Variants in FAM135B observed in about 807,000 individuals in gnomAD.
FAM135B encodes protein FAM135B.
A neutral mutation model predicts 127.7 loss-of-function variants in FAM135B; 43 were observed. The ratio of observed to expected loss-of-function variants is 0.34; its 90% confidence interval spans 0.26 to 0.43. The LOEUF is 0.43. FAM135B is among the 20% of genes least tolerant of loss of function. The pLI is 1.00. For synonymous variants in FAM135B, 670 were observed against 665.1 expected (o/e 1.01, Z -0.11); for missense variants, 1,558 against 1,725.6 (o/e 0.90, Z 1.72).
At chr8:138,247,334 G>A (rs1472021367) in intron 6 of FAM135B, among the ~76,000 whole-genome samples, 6 of 152,224 alleles carry the variant, frequency 3.9e-5, no homozygotes, top group African/African-American at 1.4e-4. Flanking sequence ...CTCACATGTG[G>A]TGGGAGGGAT....
In FAM135B at chr8:138,139,186, T is replaced by G. The variant is rs554180607; in HGVS notation, c.3791-90A>C. Reference sequence around the variant, plus strand: ...AATTTTGGTGAGATGAACGTTAAACTGAATTTTAGTTAACTTGAAAATAAG... The same window carrying G: ...AATTTTGGTGAGATGAACGTTAAACGGAATTTTAGTTAACTTGAAAATAAG... On this transcript the variant is annotated intron_variant, in intron 17 of 19. Coordinates refer to ENST00000395297, the MANE Select transcript of FAM135B (RefSeq NM_015912.4). The G allele has an allele frequency of 2.4e-4, 151 of 618,056 alleles. 2 individuals carry two copies. In the East Asian group the frequency reaches 4.3e-3, roughly 18 times the overall value. The allele number at this position is 618,056 out of a possible 1,614,324, so 38.3% of individuals were successfully genotyped here. A position where few individuals can be genotyped will look rare whatever the true frequency, so the allele number is the denominator to read the frequency against.
At chr8:138,402,054 CAG>C (rs1378681301) in intron 1 of FAM135B, among the ~76,000 whole-genome samples, 3 of 152,026 alleles carry the variant, frequency 2.0e-5, no homozygotes, top group Non-Finnish European at 4.4e-5. Context: ...TGGAGACAGA[CAG>C]AGACAGAGAG....
intron 7 of FAM135B, among the ~76,000 whole-genome samples, chr8:138,216,800 C>T (rs1280043813): frequency 1.3e-5 from 2 of 152,132 alleles, no homozygotes; most frequent in African/African-American, 4.8e-5. Flanking sequence ...GTAGTCTTTG[C>T]AATAAGCATA....
At chr8:138,244,154 G>A (rs946020770) in intron 6 of FAM135B, among the ~76,000 whole-genome samples, 2 of 152,132 alleles carry the variant, frequency 1.3e-5, no homozygotes, top group Non-Finnish European at 2.9e-5. Flanking sequence ...CAGGCAGTGG[G>A]TTAGGTGCTA....
Position 138,476,441 on chromosome 8 carries a change from G to A in FAM135B, c.-20+20230C>T, listed in dbSNP as rs564188199. On this transcript the variant is annotated intron_variant, in intron 1 of 19. Transcript: ENST00000395297. ...GTGAGGTGGATGCTGATGAGGGGCT[G>A]TGCATGTATGGGGATGGGGGATGTG... 5.3e-5 allele frequency among the ~76,000 whole-genome samples: 8 copies of A among 151,084 alleles called. No homozygotes were observed. In the South Asian group the frequency reaches 1.5e-3, roughly 28 times the overall value.
chr8:138,265,890 G>A (rs2130634144), intron 3 of FAM135B, 48 bp from the exon 4 acceptor site: 4 of 1,576,114 alleles, frequency 2.5e-6, no homozygotes, highest in Non-Finnish European at 3.4e-6. Flanking sequence ...ATACTGTCCT[G>A]TACCTGCAGC....
At chr8:138,149,664 C>G (rs1817962354) in intron 13 of FAM135B, among the ~76,000 whole-genome samples, 1 of 152,130 alleles carries the variant, frequency 6.6e-6, no homozygotes, top group South Asian at 2.1e-4. Flanking sequence ...TCATCATCAT[C>G]ATCATCACCA....
intron 5 of FAM135B, among the ~76,000 whole-genome samples, chr8:138,251,437 C>A (rs189259079): frequency 6.6e-6 from 1 of 152,196 alleles, no homozygotes; most frequent in African/African-American, 2.4e-5. Context: ...TGTTTTCTAA[C>A]AGATTCCTAC....
chr8:138,396,995 C>T (rs540547632), intron 1 of FAM135B, among the ~76,000 whole-genome samples: 134 of 152,296 alleles, frequency 8.8e-4, no homozygotes, highest in African/African-American at 3.2e-3. Context: ...GGTTCCTTGA[C>T]TAATTTGTCC....
intron 7 of FAM135B, among the ~76,000 whole-genome samples, chr8:138,232,706 T>C (rs10092274): frequency 0.19 from 28,420 of 152,182 alleles, 2,951 homozygotes; most frequent in Non-Finnish European, 0.23. Context: ...GTACAGTTTT[T>C]TAACTATAAA....
chr8:138,193,456 G>A (rs1388525237), intron 9 of FAM135B, among the ~76,000 whole-genome samples: 2 of 152,164 alleles, frequency 1.3e-5, no homozygotes, highest in African/African-American at 2.4e-5. Context: ...GAGAGTGGGC[G>A]TATTGACAAA....
intron 1 of FAM135B, among the ~76,000 whole-genome samples, chr8:138,381,047 A>G (rs1005747489): frequency 9.2e-5 from 14 of 151,976 alleles, no homozygotes; most frequent in Non-Finnish European, 1.3e-4. Flanking sequence ...TGAGAGAAAA[A>G]CCATGACCTG....
chr8:138,208,127 C>T (rs72723619), intron 7 of FAM135B, among the ~76,000 whole-genome samples: 1 of 152,284 alleles, frequency 6.6e-6, no homozygotes, highest in Non-Finnish European at 1.5e-5. Context: ...GCCTCAGAAG[C>T]CTCCTATCAC....
intron 2 of FAM135B, among the ~76,000 whole-genome samples, chr8:138,347,767 G>A (rs1209379918): frequency 6.6e-6 from 1 of 152,078 alleles, no homozygotes; most frequent in East Asian, 1.9e-4. Context: ...TATGACCTTA[G>A]AGATTCCCCA....
Position 138,197,743 on chromosome 8 carries a change from A to T in FAM135B, c.670-74T>A, listed in dbSNP as rs1161508708. 7.4e-6 allele frequency: 11 copies of T among 1,492,134 alleles called. No homozygotes were observed. The East Asian group carries it at 2.3e-4, about 31-fold the overall frequency. The allele number at this position is 1,492,134 out of a possible 1,614,324, so 92.4% of individuals were successfully genotyped here. A position where few individuals can be genotyped will look rare whatever the true frequency, so the allele number is the denominator to read the frequency against. The stretch of plus-strand genomic sequence containing the variant: ...AGGCAGCACAGGGCTGTGATGCTCC[A>T]TCCACCCGCACCAACATTCACAAAA... On this transcript the variant is annotated intron_variant, in intron 7 of 19. Coordinates refer to ENST00000395297, the MANE Select transcript of FAM135B (RefSeq NM_015912.4).
intron 10 of FAM135B, 91 bp from the exon 11 acceptor site, chr8:138,177,511 T>C (rs1814587783): frequency 5.3e-6 from 6 of 1,142,620 alleles, no homozygotes; most frequent in Non-Finnish European, 6.2e-6. Context: ...AAAAGATGAA[T>C]GATATTTCCT....
Position 138,241,803 on chromosome 8 carries a change from A to T in FAM135B, c.669+1139T>A, listed in dbSNP as rs183741890. Among the ~76,000 whole-genome samples the T allele has an allele frequency of 1.3e-5, 2 of 152,200 alleles. No individual in the cohort carries two copies. The highest frequency in any genetic ancestry group is 2.4e-5 in the African/African-American group (1 of 41,458). On this transcript the variant is annotated intron_variant, in intron 7 of 19. Coordinates refer to ENST00000395297, the MANE Select transcript of FAM135B (RefSeq NM_015912.4). This position sits in a 1 kb window ranked among gnomAD's most constrained non-coding sequence, Gnocchi z 4.8. ...GTGCCCAGACGTTTGGTTGAACATT[A>T]TTCTAGGTAAGCCTGTGAGGGTATG...
intron 1 of FAM135B, among the ~76,000 whole-genome samples, chr8:138,382,222 G>C (rs1181180919): frequency 2.0e-5 from 3 of 152,134 alleles, no homozygotes; most frequent in South Asian, 2.1e-4. Context: ...ACTAAGTAGG[G>C]ACAAGATATC....
At chr8:138,456,613 A>G (rs754228385) in intron 1 of FAM135B, among the ~76,000 whole-genome samples, 3 of 152,134 alleles carry the variant, frequency 2.0e-5, no homozygotes, top group Non-Finnish European at 4.4e-5. Flanking sequence ...AGCTCCATCA[A>G]TTCCTAGGTA....
Sources: allele counts gnomAD v4.1 joint callset (sites outside exome capture counted in the v4.1 genomes callset), GRCh38; gene constraint gnomAD v4.1.1; non-coding constraint Gnocchi (gnomAD v3.1); transcripts MANE v1.5; gene names NCBI Gene and HGNC (gene_info 2026-07-23, HGNC 2026-07-21).